Variants in TRNT1 observed in about 807,000 individuals in gnomAD.
TRNT1 encodes tRNA nucleotidyl transferase 1.
A neutral mutation model predicts 45.6 loss-of-function variants in TRNT1; 44 were observed. That is an observed-to-expected ratio of 0.97 (90% confidence interval 0.76 to 1.24). The LOEUF (loss-of-function observed/expected upper bound fraction) is 1.24, where lower values mean the gene tolerates loss of function less well. TRNT1 is among the 50% of genes most tolerant of loss of function. TRNT1 has a pLI of 0.00. For synonymous variants in TRNT1, 201 were observed against 171.4 expected, an observed-to-expected ratio of 1.17 and a Z score of -1.35; for missense variants, 633 against 504.4, an observed-to-expected ratio of 1.25 and a Z score of -2.44.
chr3:3,136,195 G>A (rs1157100033), intron 2 of TRNT1, among the ~76,000 whole-genome samples: 2 of 152,100 alleles, frequency 1.3e-5, no homozygotes, highest in East Asian at 1.9e-4. Context: ...TCGATCCATC[G>A]TGGTCACAGA....
rs1705076648 is a variant in TRNT1 at position 3,132,687 on chromosome 3, A to G, written c.148+3499A>G. On this transcript the variant is annotated intron_variant, in intron 2 of 7. Transcript: ENST00000251607. ...CCCTAAAACTTAGAGTATAATAAAA[A>G]AAAAAAAATTAAAAAAATAAAAAAA... 3.7e-5 allele frequency among the ~76,000 whole-genome samples: 5 copies of G among 136,470 alleles called. No homozygotes were observed. The South Asian group carries it at 1.1e-3, about 30-fold the overall frequency. The allele number at this position is 136,470 out of a possible 152,430, so 89.5% of individuals were successfully genotyped here.
At chr3:3,149,210 A>G (rs930021165), downstream of TRNT1, 8 of 152,160 alleles carry the variant, frequency 5.3e-5, no homozygotes, top group African/African-American at 1.7e-4. Context: ...GATGCAAGAA[A>G]GCCTCAGAAA....
At chr3:3,153,032 T>C (rs1706693531), downstream of TRNT1, 1 of 303,932 alleles carries the variant, frequency 3.3e-6, no homozygotes, top group South Asian at 3.5e-5. Flanking sequence ...CACTGTTATA[T>C]CAGAGCATCA....
intron 2 of TRNT1, chr3:3,129,951 A>G: frequency 3.9e-6 from 6 of 1,550,586 alleles, no homozygotes; most frequent in Non-Finnish European, 5.2e-6. Context: ...CTGAAGGAAG[A>G]AGGAAATAGG....
intron 4 of TRNT1, among the ~76,000 whole-genome samples, chr3:3,144,154 T>C (rs762156202): frequency 2.0e-5 from 3 of 152,240 alleles, no homozygotes; most frequent in Non-Finnish European, 2.9e-5. Context: ...TTCTGTTTTC[T>C]TGCTGAGTTT....
chr3:3,134,058 TAAAC>T (rs1329302828), intron 2 of TRNT1, among the ~76,000 whole-genome samples: 1 of 152,204 alleles, frequency 6.6e-6, no homozygotes, highest in Non-Finnish European at 1.5e-5. Context: ...TTGGAGCAAA[TAAAC>T]GTAGTTTGGG....
At position 3,148,853 on chromosome 3, in the gene TRNT1, AAT is replaced by A. The variant is rs1706253339; in HGVS notation, c.*702_*703del. The A allele has an allele frequency of 6.6e-6, 1 of 152,142 alleles. No individual in the cohort carries two copies. The highest frequency in any genetic ancestry group is 1.5e-5 in the Non-Finnish European group (1 of 68,008). The allele number at this position is 152,142 out of a possible 1,614,324, so 9.4% of individuals were successfully genotyped here. A position where few individuals can be genotyped will look rare whatever the true frequency, so the allele number is the denominator to read the frequency against. On this transcript the variant is annotated 3_prime_UTR_variant, in exon 8 of 8. Transcript: ENST00000251607. The stretch of plus-strand genomic sequence containing the variant: ...AAACAAACATTGGTATTGGAAGATA[AAT>A]ATGTTTATGTGGTATCTGACAATGT...
chr3:3,153,161 C>CA, downstream of TRNT1: 2 of 422,494 alleles, frequency 4.7e-6, no homozygotes, highest in Non-Finnish European at 8.7e-6. Flanking sequence ...TATAGATTGT[C>CA]AACAAGAATT....
intron 5 of TRNT1, 107 bp downstream of exon 5, chr3:3,144,817 C>A: frequency 8.6e-7 from 1 of 1,162,138 alleles, no homozygotes; most frequent in Non-Finnish European, 1.2e-6. Context: ...GGTGACATCC[C>A]AAATGTCTGT....
At chr3:3,130,521 G>A (rs1704951865) in intron 2 of TRNT1, 1 of 152,616 alleles carries the variant, frequency 6.6e-6, no homozygotes, top group Non-Finnish European at 1.5e-5. Flanking sequence ...TTAAATGCAT[G>A]TTTGGTTTTG....
chr3:3,144,530 T>G, intron 4 of TRNT1, 54 bp from the exon 5 acceptor site: 1 of 1,519,338 alleles, frequency 6.6e-7, no homozygotes, highest in South Asian at 1.2e-5. Flanking sequence ...TTCTTGTGTT[T>G]TCAAATTCTT....
chr3:3,134,872 T>C (rs1265706140), intron 2 of TRNT1, among the ~76,000 whole-genome samples: 1 of 152,140 alleles, frequency 6.6e-6, no homozygotes, highest in Non-Finnish European at 1.5e-5. Context: ...TATGCTGTAC[T>C]AGTCGCTTAG....
chr3:3,129,994 T>C (rs2126004108), intron 2 of TRNT1: 2 of 1,547,692 alleles, frequency 1.3e-6, no homozygotes, highest in South Asian at 2.4e-5. Flanking sequence ...GCAAAACCTG[T>C]CTGGAAGGAG....
rs1252061399 is a variant in TRNT1, at chr3:3,148,851, T to G, written c.*697T>G. 2 of 152,192 alleles carry G rather than the reference T, an allele frequency of 1.3e-5. No homozygotes were observed. Among genetic ancestry groups the G allele is most frequent in the African/African-American group, 4.8e-5 (2 of 41,452 alleles). The allele number at this position is 152,192 out of a possible 1,614,324, so 9.4% of individuals were successfully genotyped here. A position where few individuals can be genotyped will look rare whatever the true frequency, so the allele number is the denominator to read the frequency against. ...TAAAACAAACATTGGTATTGGAAGA[T>G]AAATATGTTTATGTGGTATCTGACA... On this transcript the variant is annotated 3_prime_UTR_variant, in exon 8 of 8. Transcript: ENST00000251607.
Position 3,147,993 on chromosome 3 carries a change from T to C in TRNT1, c.1144T>C (p.Ser382Pro), listed in dbSNP as rs866447898. The change falls in exon 8 of 8, where the codon TCC becomes CCC. Residue 382 changes from serine (S) to proline (P), a missense_variant. Coordinates refer to ENST00000251607, the MANE Select transcript of TRNT1 (RefSeq NM_182916.3). The stretch of plus-strand genomic sequence containing the variant: ...TCTCCTAAAGGAAATGCAGCAGTGG[T>C]CCATTCCTCCATTTCCTGTAAGTGG... ...HCLLKEMQQWSIPPFPVSGHD... is the reference protein window; with the variant it reads ...HCLLKEMQQWPIPPFPVSGHD... 1.9e-6 allele frequency: 3 copies of C among 1,614,004 alleles called. No individual in the cohort carries two copies. Among genetic ancestry groups the C allele is most frequent in the African/African-American group, 2.7e-5 (2 of 75,014 alleles).
Position 3,144,598 on chromosome 3 carries a change from T to G in TRNT1, c.496T>G (p.Leu166Val). The change falls in exon 5 of 8, where the codon TTA becomes GTA. Residue 166 changes from leucine to valine, a missense_variant. Leu to Val is a conservative substitution (Grantham distance 32). Coordinates refer to ENST00000251607, the MANE Select transcript of TRNT1 (RefSeq NM_182916.3). ...CTAATGAATAGGTTTTGATGGCACT[T>G]TATTTGACTACTTTAATGGTTATGA... Reference protein sequence around the residue: ...NSMFLGFDGTLFDYFNGYEDL... With the variant: ...NSMFLGFDGTVFDYFNGYEDL... The G allele has an allele frequency of 6.3e-7, 1 of 1,583,400 alleles. No homozygotes were observed. Among genetic ancestry groups the G allele is most frequent in the Non-Finnish European group, 8.6e-7 (1 of 1,162,216 alleles).
intron 2 of TRNT1, among the ~76,000 whole-genome samples, chr3:3,133,770 T>C (rs952264143): frequency 2.6e-5 from 4 of 151,984 alleles, no homozygotes; most frequent in Non-Finnish European, 5.9e-5. Context: ...AACTGATCAC[T>C]CTCTTGAAGT....
At position 3,129,108 on chromosome 3, in the gene TRNT1, C is replaced by T. The variant is rs334773; in HGVS notation, c.68C>T (p.Pro23Leu). 1,587,252 of 1,614,056 alleles carry T rather than the reference C, an allele frequency of 0.98. 783,687 individuals are homozygous for T. The highest frequency in any genetic ancestry group is 1 in the East Asian group (44,886 of 44,886). Residue 23 changes from proline (P) to leucine (L), a missense_variant, in exon 2 of 8, where the codon CCG becomes CTG. Pro to Leu is a moderately conservative substitution (Grantham distance 98). Transcript: ENST00000251607. ...CGTAGGTGGAGTAGGCTGTGCCTTC[C>T]GAAGCAGTATCTATTCACAATGAAG... ...LNRRWSRLCL[P>L]KQYLFTMKLQ... is the part of the protein sequence containing the mutation.
chr3:3,144,554 G>C, intron 4 of TRNT1, 30 bp from the exon 5 acceptor site: 1 of 1,560,280 alleles, frequency 6.4e-7, no homozygotes, highest in Non-Finnish European at 8.7e-7. Context: ...TGCCAATAGT[G>C]ATTTTTCTCC....
Sources: gnomAD v4.1 joint callset for allele counts (sites outside exome capture counted in the v4.1 genomes callset) on GRCh38, gnomAD v4.1.1 for gene constraint, MANE v1.5 for transcripts, NCBI Gene and HGNC (gene_info 2026-07-23, HGNC 2026-07-21) for gene names.